The following PON3 variants were observed in gnomAD, a reference collection of about 807,000 sequenced individuals.
PON3 encodes the protein serum paraoxonase/lactonase 3.
PON3 carries 37 observed loss-of-function variants against 36.3 expected under a neutral mutation model. The ratio of observed to expected loss-of-function variants is 1.02; its 90% CI spans 0.78 to 1.34. The LOEUF is 1.34. Ranked by LOEUF, PON3 falls within the 40% of genes most tolerant of loss-of-function variation. The pLI is 0.00. For missense variants in PON3, 415 were observed against 426.5 expected (o/e 0.97, Z 0.24); for synonymous variants, 155 against 154.8 (o/e 1.00, Z -0.01).
intron 4 of PON3, among the ~76,000 whole-genome samples, chr7:95,368,823 A>G (rs1179796832): frequency 6.6e-6 from 1 of 151,008 alleles, no homozygotes; most frequent in African/African-American, 2.4e-5. Context: ...ACAAAAAAAA[A>G]AAAAAGAAAG....
At chr7:95,378,245 G>A (rs907197531) in intron 3 of PON3, among the ~76,000 whole-genome samples, 18 of 152,264 alleles carry the variant, frequency 1.2e-4, no homozygotes, top group Admixed American at 3.3e-4. Context: ...CAAGAAATAT[G>A]GGACTCTGTG....
intron 6 of PON3, among the ~76,000 whole-genome samples, chr7:95,363,247 T>A (rs1006143573): frequency 6.6e-6 from 1 of 152,090 alleles, no homozygotes; most frequent in Non-Finnish European, 1.5e-5. Context: ...GGAAGGACAC[T>A]GAGAGGTGTT....
chr7:95,361,601 T>C (rs759495683), intron 8 of PON3, among the ~76,000 whole-genome samples: 1 of 152,190 alleles, frequency 6.6e-6, no homozygotes, highest in Non-Finnish European at 1.5e-5. Context: ...TTGTTCATTG[T>C]TTGTCCCCCT....
chr7:95,381,945 G>T (rs200705805), intron 3 of PON3, among the ~76,000 whole-genome samples: 1 of 152,148 alleles, frequency 6.6e-6, no homozygotes, highest in Non-Finnish European at 1.5e-5. Context: ...TGACCACATA[G>T]TTGGAAGTAA....
chr7:95,394,847 A>G, intron 1 of PON3, 133 bp from the exon 2 acceptor site: 1 of 751,372 alleles, frequency 1.3e-6, no homozygotes, highest in Non-Finnish European at 2.4e-6. Flanking sequence ...ACAAGTAAGT[A>G]GGTACTTCCT....
chr7:95,389,728 C>G (rs887501462), intron 3 of PON3, among the ~76,000 whole-genome samples: 1 of 152,050 alleles, frequency 6.6e-6, no homozygotes, highest in Non-Finnish European at 1.5e-5. Flanking sequence ...GGTTAATATT[C>G]GATCCACAAA....
At chr7:95,384,005 T>G (rs1289310159) in intron 3 of PON3, among the ~76,000 whole-genome samples, 1 of 151,934 alleles carries the variant, frequency 6.6e-6, no homozygotes, top group Non-Finnish European at 1.5e-5. Context: ...CCAAAACAGA[T>G]ATATAGACCT....
At chr7:95,360,784 G>T (rs1245592443) in intron 8 of PON3, among the ~76,000 whole-genome samples, 1 of 152,024 alleles carries the variant, frequency 6.6e-6, no homozygotes, top group East Asian at 1.9e-4. Context: ...TGGAATTAAA[G>T]GAAAACAATT....
intron 4 of PON3, among the ~76,000 whole-genome samples, chr7:95,369,297 G>C (rs1460166168): frequency 2.6e-5 from 4 of 152,144 alleles, no homozygotes; most frequent in Non-Finnish European, 5.9e-5. Context: ...GATTATATTT[G>C]AGAGAGGAAA....
At position 95,372,775 on chromosome 7, in the gene PON3, T is replaced by C. The variant is rs17882562; in HGVS notation, c.202-437A>G. On this transcript the variant is annotated intron_variant, in intron 3 of 8. Transcript: ENST00000265627. Reference sequence around the variant, plus strand: ...AAAGCAGAGAGAAGGGGTGTATAGTTTAATTGTATTGTTCCCATTCCTACA... The same window carrying C: ...AAAGCAGAGAGAAGGGGTGTATAGTCTAATTGTATTGTTCCCATTCCTACA... Among the ~76,000 whole-genome samples, 270 of 152,308 alleles carry C rather than the reference T, an allele frequency of 1.8e-3. 2 individuals are homozygous for C. The highest frequency in any genetic ancestry group is 6.8e-3 in the Middle Eastern group (2 of 294).
chr7:95,396,193 G>C, intron 1 of PON3, 84 bp downstream of exon 1: 2 of 1,460,922 alleles, frequency 1.4e-6, no homozygotes, highest in Non-Finnish European at 1.9e-6. Flanking sequence ...CTACCCGCTA[G>C]GAAGGGGGCG....
At chr7:95,382,338 G>T (rs1361963118) in intron 3 of PON3, among the ~76,000 whole-genome samples, 2 of 152,054 alleles carry the variant, frequency 1.3e-5, no homozygotes, top group African/African-American at 4.8e-5. Context: ...CAGAAGACAA[G>T]AAATAACTAA....
chr7:95,359,874 G>T lies in PON3; in HGVS notation c.*99C>A. 8.2e-7 allele frequency: 1 copy of T among 1,222,130 alleles called. No homozygotes were observed. The highest frequency in any genetic ancestry group is 1.2e-6 in the Non-Finnish European group (1 of 865,514). The allele number at this position is 1,222,130 out of a possible 1,614,324, so 75.7% of individuals were successfully genotyped here. On this transcript the variant is annotated 3_prime_UTR_variant, in exon 9 of 9. Transcript: ENST00000265627. ...ATAAGAAAAGCCACACTCACTGGTT[G>T]GTGTTTGCTATTTACTTACAGTGCC...
At chr7:95,382,238 C>G (rs1809075039) in intron 3 of PON3, among the ~76,000 whole-genome samples, 1 of 152,092 alleles carries the variant, frequency 6.6e-6, no homozygotes, top group Non-Finnish European at 1.5e-5. Flanking sequence ...TAAATGCCCA[C>G]AAGAGAAAGC....
At position 95,363,918 on chromosome 7, in the gene PON3, C is replaced by T. The variant is rs1808634617; in HGVS notation, c.640G>A (p.Val214Met). 6.2e-7 allele frequency: 1 copy of T among 1,613,852 alleles called. No homozygotes were observed. The highest frequency in any genetic ancestry group is 8.5e-7 in the Non-Finnish European group (1 of 1,179,786). ...VLFYSPREVKVVAKGFCSANG... is the reference protein window; with the variant it reads ...VLFYSPREVKMVAKGFCSANG... Reference sequence around the variant, plus strand: ...GCACTACAAAATCCTTTGGCCACCACTTTAACCTCCCTTGGGCTGTAGAAA... The same window carrying T: ...GCACTACAAAATCCTTTGGCCACCATTTTAACCTCCCTTGGGCTGTAGAAA... The change falls in exon 6 of 9, where the codon GTG becomes ATG. Residue 214 changes from valine to methionine, a missense_variant. Val to Met is a conservative substitution (Grantham distance 21). Coordinates refer to ENST00000265627, the MANE Select transcript of PON3 (RefSeq NM_000940.3).
intron 3 of PON3, among the ~76,000 whole-genome samples, chr7:95,388,862 T>G (rs982816374): frequency 1.7e-4 from 26 of 152,130 alleles, no homozygotes; most frequent in African/African-American, 5.8e-4. Context: ...CACTGCATGT[T>G]TTCACTCATA....
intron 2 of PON3, among the ~76,000 whole-genome samples, 191 bp downstream of exon 2, chr7:95,394,453 T>G (rs1346243386): frequency 6.6e-6 from 1 of 152,088 alleles, no homozygotes; most frequent in African/African-American, 2.4e-5. Context: ...GGAAATGTGC[T>G]GAGAAAAACC....
At chr7:95,377,142 C>T (rs1054803075) in intron 3 of PON3, among the ~76,000 whole-genome samples, 2 of 152,238 alleles carry the variant, frequency 1.3e-5, no homozygotes, top group Admixed American at 1.3e-4. Context: ...GCCTTGCTCA[C>T]GGCTAGCACA....
intron 3 of PON3, among the ~76,000 whole-genome samples, chr7:95,379,665 C>T (rs1393085342): frequency 5.9e-5 from 9 of 152,312 alleles, no homozygotes; most frequent in South Asian, 4.1e-4. Flanking sequence ...GAGGGGCGCC[C>T]GCCATTGCTG....
Sources: allele counts gnomAD v4.1 joint callset (sites outside exome capture counted in the v4.1 genomes callset), GRCh38; gene constraint gnomAD v4.1.1; transcripts MANE v1.5; gene names NCBI Gene and HGNC (gene_info 2026-07-23, HGNC 2026-07-21).